EYA3: variants seen among roughly 807,000 people sequenced by gnomAD.
EYA3 encodes the protein protein phosphatase EYA3.
A neutral mutation model predicts 80.0 loss-of-function variants in EYA3; 39 were observed. That is an observed-to-expected ratio of 0.49 (90% CI 0.38 to 0.64). The LOEUF is 0.64. Ranked by LOEUF, EYA3 falls within the 30% of genes least tolerant of loss-of-function variation. The pLI is 0.00. For missense variants in EYA3, 523 were observed against 676.1 expected (o/e 0.77, Z 2.51); for synonymous variants, 206 against 232.8 (o/e 0.88, Z 1.05).
At chr1:28,073,127 A>ATATATATATATATATATATATATTTTT (rs1553157671) in intron 1 of EYA3, among the ~76,000 whole-genome samples, 1 of 14,996 alleles carries the variant, frequency 6.7e-5, no homozygotes, top group Non-Finnish European at 1.1e-4. Flanking sequence ...ATATATATAT[A>ATATATATATATATATATATATATTTTT]TTTTTTTTTT....
intron 1 of EYA3, among the ~76,000 whole-genome samples, chr1:28,079,238 AG>A (rs1645334738): frequency 6.6e-6 from 1 of 152,254 alleles, no homozygotes. Flanking sequence ...CAGCTAGGAT[AG>A]GCAAGGAACT....
At chr1:27,990,289 A>C (rs1377295747) in intron 14 of EYA3, 1 of 174,878 alleles carries the variant, frequency 5.7e-6, no homozygotes, top group Admixed American at 5.9e-5. Context: ...TCCTGTCCCT[A>C]GACTTCATGC....
chr1:28,073,127 A>ATTTT lies in EYA3; in HGVS notation c.-68-15037_-68-15034dup, dbSNP rs1180868021. On this transcript the variant is annotated intron_variant, in intron 1 of 17. Transcript: ENST00000373871. Reference sequence around the variant, plus strand: ...ATTATATATATATATATATATATATATTTTTTTTTTTTTTTTTTTTTTTTA... The same window carrying ATTTT: ...ATTATATATATATATATATATATATATTTTTTTTTTTTTTTTTTTTTTTTTTTTA... Among the ~76,000 whole-genome samples, 52 of 14,992 alleles carry ATTTT rather than the reference A, an allele frequency of 3.5e-3. 7 individuals are homozygous for ATTTT. Among genetic ancestry groups the ATTTT allele is most frequent in the African/African-American group, 7.3e-3 (23 of 3,168 alleles). 9.8% of individuals were successfully genotyped at this position (14,992 alleles called of 152,430 possible).
chr1:28,066,507 T>C (rs1644841558), intron 1 of EYA3, among the ~76,000 whole-genome samples: 1 of 151,912 alleles, frequency 6.6e-6, no homozygotes, highest in African/African-American at 2.4e-5. Flanking sequence ...TCAGAAAAAC[T>C]GAATACCAAC....
chr1:27,986,706 A>C (rs895417806), intron 16 of EYA3, among the ~76,000 whole-genome samples: 20 of 134,954 alleles, frequency 1.5e-4, no homozygotes, highest in African/African-American at 5.4e-4. Context: ...TTCTCTTAAC[A>C]ATTATTATTA....
rs181473016 is a variant in EYA3, at chr1:28,034,288, G to T, written c.361+1256C>A. On this transcript the variant is annotated intron_variant, in intron 6 of 17. Transcript: ENST00000373871. ...AATAATAATTCAAATCAAAACAGAA[G>T]ATTTAAAAAACTGTAATTTAAAAAT... is the stretch of plus-strand genomic sequence containing the variant. Among the ~76,000 whole-genome samples the T allele has an allele frequency of 1.4e-3, 218 of 151,968 alleles. 1 individual carries two copies. Among genetic ancestry groups the T allele is most frequent in the African/African-American group, 4.8e-3 (199 of 41,438 alleles).
chr1:28,043,392 C>A (rs184235371), intron 3 of EYA3, among the ~76,000 whole-genome samples: 28 of 149,890 alleles, frequency 1.9e-4, no homozygotes, highest in African/African-American at 5.9e-4. Flanking sequence ...CTGAAATATA[C>A]AATGCTATAT....
At chr1:27,992,030 GTAAAT>G (rs1193471701) in intron 14 of EYA3, among the ~76,000 whole-genome samples, 2 of 152,180 alleles carry the variant, frequency 1.3e-5, no homozygotes, top group African/African-American at 4.8e-5. Flanking sequence ...TCTGAAAAAA[GTAAAT>G]TAGATTCCTG....
chr1:27,970,409 G>C lies in EYA3; in HGVS notation c.*4057C>G, dbSNP rs1238258582. On this transcript the variant is annotated 3_prime_UTR_variant, in exon 18 of 18. Transcript: ENST00000373871. ...TAGTTCCCATTACATATAACATTAC[G>C]GTCACGGATTCTACAGCCACAAATG... 6.6e-6 allele frequency: 1 copy of C among 152,016 alleles called. No homozygotes were observed. Among genetic ancestry groups the C allele is most frequent in the Non-Finnish European group, 1.5e-5 (1 of 68,006 alleles). The allele number at this position is 152,016 out of a possible 1,614,324, so 9.4% of individuals were successfully genotyped here. A position where few individuals can be genotyped will look rare whatever the true frequency, so the allele number is the denominator to read the frequency against.
intron 11 of EYA3, among the ~76,000 whole-genome samples, chr1:28,000,801 G>T (rs1482320385): frequency 1.3e-5 from 2 of 152,140 alleles, no homozygotes; most frequent in Non-Finnish European, 2.9e-5. Context: ...AGTGGCTCAC[G>T]CCTGTAATCC....
intron 11 of EYA3, among the ~76,000 whole-genome samples, chr1:28,002,028 G>A (rs1307933570): frequency 6.6e-6 from 1 of 152,086 alleles, no homozygotes; most frequent in Non-Finnish European, 1.5e-5. Context: ...CGATTCTCCT[G>A]CCTCATCCTC....
chr1:27,979,652 C>T (rs1026907141), intron 16 of EYA3, among the ~76,000 whole-genome samples: 5 of 152,152 alleles, frequency 3.3e-5, no homozygotes, highest in African/African-American at 1.2e-4. Flanking sequence ...CCTGCTTCTG[C>T]CACCTTCTTC....
intron 6 of EYA3, chr1:28,031,802 A>G (rs1452932696): frequency 2.0e-5 from 3 of 152,198 alleles, no homozygotes; most frequent in East Asian, 1.9e-4. Flanking sequence ...GTATATGTAT[A>G]TATTTTTTAA....
intron 1 of EYA3, among the ~76,000 whole-genome samples, chr1:28,062,955 T>C (rs1274801685): frequency 6.6e-6 from 1 of 150,722 alleles, no homozygotes; most frequent in Non-Finnish European, 1.5e-5. Context: ...TGAGCCGAGA[T>C]TGCACCACTG....
intron 6 of EYA3, among the ~76,000 whole-genome samples, chr1:28,031,624 C>G (rs1643143838): frequency 6.6e-6 from 1 of 152,114 alleles, no homozygotes. Context: ...TATAGTAACT[C>G]GTATAGTGCT....
At chr1:28,052,499 G>A (rs1381419096) in intron 2 of EYA3, among the ~76,000 whole-genome samples, 2 of 152,188 alleles carry the variant, frequency 1.3e-5, no homozygotes, top group Non-Finnish European at 2.9e-5. Flanking sequence ...GTGCCACGAT[G>A]ATTCAACGAA....
chr1:28,031,210 TAC>T (rs1481456873), intron 6 of EYA3, among the ~76,000 whole-genome samples: 3 of 152,250 alleles, frequency 2.0e-5, no homozygotes, highest in African/African-American at 7.2e-5. Flanking sequence ...TAAAAAACAA[TAC>T]AGACAGTACC....
chr1:28,018,554 G>C (rs1208576149), intron 7 of EYA3, among the ~76,000 whole-genome samples: 3 of 152,194 alleles, frequency 2.0e-5, no homozygotes, highest in Admixed American at 2.0e-4. Flanking sequence ...GAGAAAATTA[G>C]TAAGAAAACT....
chr1:28,079,120 G>A (rs514745), intron 1 of EYA3, among the ~76,000 whole-genome samples: 2,046 of 152,274 alleles, frequency 0.013, 47 homozygotes, highest in African/African-American at 0.045. Context: ...TAACACAAGT[G>A]AAGTGCTTTA....
Sources: allele counts gnomAD v4.1 joint callset (sites outside exome capture counted in the v4.1 genomes callset), GRCh38; gene constraint gnomAD v4.1.1; transcripts MANE v1.5; gene names NCBI Gene and HGNC (gene_info 2026-07-23, HGNC 2026-07-21).